NUP62CL: variants seen among roughly 807,000 people sequenced by gnomAD.
NUP62CL encodes nucleoporin 62 C-terminal like.
A neutral mutation model predicts 15.3 loss-of-function variants in NUP62CL; 13 were observed. The observed-to-expected ratio is 0.85, with a 90% confidence interval of 0.55 to 1.35. NUP62CL has a LOEUF of 1.35. Ranked by LOEUF, NUP62CL falls within the 40% of genes most tolerant of loss-of-function variation. The probability of loss-of-function intolerance (pLI) is 0.00; values close to 1 mark genes in which losing one functional copy is unlikely to be tolerated. For missense variants in NUP62CL, 123 were observed against 130.6 expected (o/e 0.94, Z 0.28); for synonymous variants, 54 against 49.2 (o/e 1.10, Z -0.41).
At position 107,148,718 on chromosome X, in the gene NUP62CL, C is replaced by A. The variant is rs755320045; in HGVS notation, c.531-909G>T. Among the ~76,000 whole-genome samples, 730 of 111,091 alleles carry A rather than the reference C, an allele frequency of 6.6e-3. 7 individuals are homozygous for A. Among genetic ancestry groups the A allele is most frequent in the African/African-American group, 0.023 (690 of 30,645 alleles). ...TTTGTAAGAAAATGTGACTGAATAACACAGTGCATAATATGAACTTACTTA... is the reference window on the plus strand; with the variant it reads ...TTTGTAAGAAAATGTGACTGAATAAAACAGTGCATAATATGAACTTACTTA... On this transcript the variant is annotated intron_variant, in intron 7 of 8. Transcript: ENST00000372466.
intron 8 of NUP62CL, chrX:107,131,699 G>A: frequency 1.4e-6 from 1 of 726,352 alleles, no homozygotes; most frequent in South Asian, 2.1e-5. Context: ...GGAGCAGTTG[G>A]TTCTAGTGGA....
At chrX:107,179,499 A>G (rs1040142376) in intron 2 of NUP62CL, among the ~76,000 whole-genome samples, 1 of 111,534 alleles carries the variant, frequency 9.0e-6, no homozygotes. Context: ...CCACTTATAC[A>G]TGAGAACATG....
At chrX:107,158,252 T>C (rs1210659939) in intron 4 of NUP62CL, among the ~76,000 whole-genome samples, 56 of 57,473 alleles carry the variant, frequency 9.7e-4, no homozygotes, top group African/African-American at 5.4e-3. Flanking sequence ...TACCCAGGAA[T>C]TGAACTCAGC....
In NUP62CL at chrX:107,133,862, C is replaced by T. The variant is rs763080940; in HGVS notation, c.*43-9530G>A. 1.3e-4 allele frequency among the ~76,000 whole-genome samples: 15 copies of T among 111,848 alleles called. 1 individual carries two copies. The highest frequency in any genetic ancestry group is 7.6e-4 in the South Asian group (2 of 2,636). On this transcript the variant is annotated intron_variant, in intron 8 of 8. Transcript: ENST00000372466. ...CTGGGGTGGGAGAATTGCTTGAGCCCGGGAGGTGGAGGTTGCAGTGAGCTG... is the reference window on the plus strand; with the variant it reads ...CTGGGGTGGGAGAATTGCTTGAGCCTGGGAGGTGGAGGTTGCAGTGAGCTG...
At chrX:107,204,753 A>AAATAAATTTTAAATAAATTATTTAT (rs1927587090) in intron 1 of NUP62CL, among the ~76,000 whole-genome samples, 1 of 56,991 alleles carries the variant, frequency 1.8e-5, no homozygotes, top group Non-Finnish European at 3.2e-5. Flanking sequence ...AAATTATTTA[A>AAATAAATTTTAAATAAATTATTTAT]ATAAATTTTA....
chrX:107,130,242 T>G (rs1376137336), intron 8 of NUP62CL, among the ~76,000 whole-genome samples: 1 of 111,841 alleles, frequency 8.9e-6, no homozygotes, highest in African/African-American at 3.2e-5. Context: ...GATATTTCAG[T>G]ATTTTGAGGA....
chrX:107,137,095 C>G (rs912814058), intron 8 of NUP62CL, among the ~76,000 whole-genome samples: 1 of 110,646 alleles, frequency 9.0e-6, no homozygotes, highest in Non-Finnish European at 1.9e-5. Context: ...ATTATTATAT[C>G]TCAATGTAAT....
chrX:107,204,504 T>C (rs749168276), intron 1 of NUP62CL, among the ~76,000 whole-genome samples: 1 of 110,146 alleles, frequency 9.1e-6, no homozygotes, highest in Non-Finnish European at 1.9e-5. Context: ...CCTTGAAGAG[T>C]TGATTATATC....
chrX:107,206,176 G>A (rs1927680626), intron 1 of NUP62CL, 97 bp downstream of exon 1: 1 of 110,727 alleles, frequency 9.0e-6, no homozygotes, highest in East Asian at 2.8e-4. Flanking sequence ...ATCGGCTGGA[G>A]TTCGAGTCCT....
chrX:107,206,169 G>T (rs1378297206), intron 1 of NUP62CL, 104 bp downstream of exon 1: 2 of 110,675 alleles, frequency 1.8e-5, no homozygotes, highest in Non-Finnish European at 3.8e-5. Flanking sequence ...TCTCCAGATC[G>T]GCTGGAGTTC....
intron 7 of NUP62CL, 23 bp from the exon 8 acceptor site, chrX:107,147,832 T>C (rs767029084): frequency 4.4e-6 from 5 of 1,136,183 alleles, no homozygotes; most frequent in Admixed American, 4.4e-5. Context: ...ATAAGACTTT[T>C]AGATTATGAT....
intron 2 of NUP62CL, among the ~76,000 whole-genome samples, chrX:107,191,708 A>T (rs1927245785): frequency 1.0e-5 from 1 of 97,360 alleles, no homozygotes; most frequent in African/African-American, 3.5e-5. Context: ...CTCCATCTCA[A>T]AACAAAAAAA....
At chrX:107,179,090 T>C (rs1158253142) in intron 2 of NUP62CL, among the ~76,000 whole-genome samples, 6 of 103,525 alleles carry the variant, frequency 5.8e-5, no homozygotes, top group Non-Finnish European at 1.0e-4. Context: ...CAAGACTCCA[T>C]CTCAAAAAAA....
chrX:107,181,136 G>C (rs1374808808), intron 2 of NUP62CL, among the ~76,000 whole-genome samples: 2 of 106,113 alleles, frequency 1.9e-5, no homozygotes, highest in Non-Finnish European at 3.9e-5. Context: ...GGCTGGTCTT[G>C]AACTCCTGAC....
intron 2 of NUP62CL, among the ~76,000 whole-genome samples, chrX:107,177,972 A>G (rs1160528987): frequency 8.9e-6 from 1 of 112,030 alleles, no homozygotes; most frequent in Non-Finnish European, 1.9e-5. Flanking sequence ...TTAACTGATG[A>G]ATGGATGAAT....
At chrX:107,203,943 A>G (rs1297258477) in intron 1 of NUP62CL, among the ~76,000 whole-genome samples, 1 of 111,957 alleles carries the variant, frequency 8.9e-6, no homozygotes, top group Non-Finnish European at 1.9e-5. Flanking sequence ...TCATAGCTAT[A>G]AATCCACAGA....
intron 7 of NUP62CL, among the ~76,000 whole-genome samples, chrX:107,151,704 C>G (rs1011215992): frequency 9.1e-6 from 1 of 109,954 alleles, no homozygotes; most frequent in African/African-American, 3.3e-5. Context: ...TGGTTGCCTA[C>G]ATTATTGAAG....
intron 8 of NUP62CL, among the ~76,000 whole-genome samples, chrX:107,142,961 G>A (rs1188651285): frequency 6.3e-5 from 7 of 111,420 alleles, no homozygotes; most frequent in African/African-American, 2.0e-4. Flanking sequence ...CTGATCGGGA[G>A]GAAAAAAGGC....
At chrX:107,162,363 A>T (rs1926409062) in intron 4 of NUP62CL, among the ~76,000 whole-genome samples, 1 of 111,483 alleles carries the variant, frequency 9.0e-6, no homozygotes, top group African/African-American at 3.3e-5. Flanking sequence ...AAAGATATAA[A>T]CTCATAGATT....
Sources: gnomAD v4.1 joint callset for allele counts (sites outside exome capture counted in the v4.1 genomes callset) on GRCh38, gnomAD v4.1.1 for gene constraint, MANE v1.5 for transcripts, NCBI Gene and HGNC (gene_info 2026-07-23, HGNC 2026-07-21) for gene names.